NCALD: variants seen among roughly 807,000 people sequenced by gnomAD.
NCALD encodes neurocalcin-delta.
A neutral mutation model predicts 18.6 loss-of-function variants in NCALD; 10 were observed. The observed-to-expected ratio is 0.54, with a 90% CI of 0.33 to 0.91. The LOEUF is 0.91. Among genes scored for constraint, NCALD ranks in the 40% least tolerant of loss-of-function variants. The pLI is 0.03. For missense variants in NCALD, 184 were observed against 247.6 expected (o/e 0.74, Z 1.72); for synonymous variants, 88 against 87.4 (o/e 1.01, Z -0.04).
chr8:101,946,812 A>C lies in NCALD; in HGVS notation c.-156-30954T>G, dbSNP rs1462785603. Among the ~76,000 whole-genome samples, 8 of 46,926 alleles carry C rather than the reference A, an allele frequency of 1.7e-4. No individual in the cohort carries two copies. The South Asian group carries it at 7.4e-3, about 43-fold the overall frequency. 30.8% of individuals were successfully genotyped at this position (46,926 alleles called of 152,430 possible). The stretch of plus-strand genomic sequence containing the variant: ...GGAGACTATCCACATCAATTAGCAA[A>C]AAAAAAAAAAAAAAAAAAAAAAATC... On this transcript the variant is annotated intron_variant, in intron 2 of 6. Transcript: ENST00000311028.
intron 4 of NCALD, among the ~76,000 whole-genome samples, chr8:101,855,710 T>C (rs750007072): frequency 2.6e-5 from 4 of 151,724 alleles, no homozygotes; most frequent in Non-Finnish European, 4.4e-5. Context: ...AGGTGGAAAA[T>C]GACATTATGG....
intron 1 of NCALD, among the ~76,000 whole-genome samples, chr8:102,023,679 A>G (rs754581995): frequency 6.6e-6 from 1 of 152,236 alleles, no homozygotes; most frequent in Admixed American, 6.5e-5. Flanking sequence ...ATGGCCTTCA[A>G]GCTAGGAAAG....
intron 1 of NCALD, among the ~76,000 whole-genome samples, chr8:102,087,208 G>A (rs1443310843): frequency 6.6e-6 from 1 of 152,174 alleles, no homozygotes; most frequent in African/African-American, 2.4e-5. Context: ...CTCAGGATCT[G>A]GATTGGGACC....
chr8:101,786,304 C>A (rs1812224849), intron 1 of NCALD, among the ~76,000 whole-genome samples: 1 of 152,174 alleles, frequency 6.6e-6, no homozygotes, highest in Non-Finnish European at 1.5e-5. Flanking sequence ...GTTCTCTATG[C>A]CAGCAGCATA....
At chr8:101,871,283 TC>T (rs952235202) in intron 4 of NCALD, among the ~76,000 whole-genome samples, 2 of 152,102 alleles carry the variant, frequency 1.3e-5, no homozygotes, top group African/African-American at 4.8e-5. Context: ...ATATCAGCAC[TC>T]CCTCTTAATG....
intron 3 of NCALD, chr8:101,691,244 G>A: frequency 1.0e-6 from 1 of 984,550 alleles, no homozygotes; most frequent in Non-Finnish European, 1.2e-6. Context: ...TCCTTCTACA[G>A]CTCCCACCCC....
chr8:102,053,826 T>C (rs1045983608), intron 1 of NCALD, among the ~76,000 whole-genome samples: 3 of 152,230 alleles, frequency 2.0e-5, no homozygotes, highest in Non-Finnish European at 4.4e-5. Context: ...ATAAAATATA[T>C]ATAAGGAAGC....
At chr8:101,964,505 C>A (rs1388797989) in intron 2 of NCALD, among the ~76,000 whole-genome samples, 1 of 152,216 alleles carries the variant, frequency 6.6e-6, no homozygotes, top group East Asian at 1.9e-4. Context: ...CCAAAGCCAC[C>A]ATGGAAACAG....
chr8:101,691,413 T>G, intron 3 of NCALD: 5 of 985,370 alleles, frequency 5.1e-6, no homozygotes, highest in Non-Finnish European at 6.0e-6. Context: ...GGAAAGACCC[T>G]AATTCATTGC....
intron 1 of NCALD, among the ~76,000 whole-genome samples, chr8:102,045,379 T>C (rs1237087481): frequency 6.6e-6 from 1 of 152,206 alleles, no homozygotes; most frequent in Admixed American, 6.5e-5. Flanking sequence ...AGACTAGGAA[T>C]GTTATGCACC....
At chr8:101,892,305 G>A (rs1816936573) in intron 3 of NCALD, among the ~76,000 whole-genome samples, 1 of 146,370 alleles carries the variant, frequency 6.8e-6, no homozygotes, top group South Asian at 2.1e-4. Context: ...TGAGGGTCCT[G>A]TCTGTTAGAA....
At chr8:102,089,870 T>C (rs1337419053) in intron 1 of NCALD, among the ~76,000 whole-genome samples, 2 of 152,248 alleles carry the variant, frequency 1.3e-5, no homozygotes, top group African/African-American at 4.8e-5. Flanking sequence ...TATTCAGTTT[T>C]TCTGTAAATT....
intron 1 of NCALD, among the ~76,000 whole-genome samples, chr8:102,023,218 C>T (rs1197821072): frequency 1.3e-5 from 2 of 152,300 alleles, no homozygotes; most frequent in South Asian, 2.1e-4. Flanking sequence ...AGAGATGATG[C>T]TATGCTCCAA....
At chr8:101,690,755 T>G in intron 3 of NCALD, 1 of 985,468 alleles carries the variant, frequency 1.0e-6, no homozygotes, top group South Asian at 4.7e-5. Context: ...GTGCTGGCCA[T>G]TTTTTATGAG....
chr8:101,761,387 G>A (rs1811102805), intron 1 of NCALD, among the ~76,000 whole-genome samples: 1 of 152,186 alleles, frequency 6.6e-6, no homozygotes, highest in Admixed American at 6.5e-5. Context: ...TTAGAATGAA[G>A]GGCGTGTGAG....
At chr8:101,941,778 T>A (rs1466528231) in intron 2 of NCALD, among the ~76,000 whole-genome samples, 1 of 152,150 alleles carries the variant, frequency 6.6e-6, no homozygotes, top group East Asian at 1.9e-4. Context: ...TACAGCAATT[T>A]CGAAAATAAG....
chr8:101,888,580 G>C (rs1816758560), intron 3 of NCALD, among the ~76,000 whole-genome samples: 1 of 151,714 alleles, frequency 6.6e-6, no homozygotes, highest in Non-Finnish European at 1.5e-5. Flanking sequence ...AACATGCCTG[G>C]CTAACCTTTT....
chr8:101,758,871 T>G (rs1031458333), intron 1 of NCALD, among the ~76,000 whole-genome samples: 1 of 152,152 alleles, frequency 6.6e-6, no homozygotes, highest in African/African-American at 2.4e-5. Flanking sequence ...GTGCATCCAA[T>G]AATAAGAAAG....
intron 3 of NCALD, among the ~76,000 whole-genome samples, chr8:101,907,916 T>C (rs953130385): frequency 6.6e-6 from 1 of 152,220 alleles, no homozygotes; most frequent in Admixed American, 6.5e-5. Flanking sequence ...GCCTCTTTTA[T>C]TGGGGAGATG....
Sources: allele counts gnomAD v4.1 joint callset (sites outside exome capture counted in the v4.1 genomes callset), GRCh38; gene constraint gnomAD v4.1.1; transcripts MANE v1.5; gene names NCBI Gene and HGNC (gene_info 2026-07-23, HGNC 2026-07-21).